AMOTL1: variants seen among roughly 807,000 people sequenced by gnomAD.
The protein encoded by AMOTL1 is angiomotin like 1.
In AMOTL1, 45 loss-of-function variants were observed where a neutral mutation model predicts 102.9. The observed-to-expected ratio is 0.44, with a 90% CI of 0.34 to 0.56. The LOEUF (loss-of-function observed/expected upper bound fraction) is 0.56. AMOTL1 is among the 20% of genes least tolerant of loss of function. AMOTL1 has a pLI of 0.01. For missense variants in AMOTL1, 1,114 were observed against 1,225.6 expected (o/e 0.91, Z 1.36); for synonymous variants, 481 against 484.7 (o/e 0.99, Z 0.10).
intron 4 of AMOTL1, among the ~76,000 whole-genome samples, chr11:94,827,209 G>T (rs892041576): frequency 6.6e-6 from 1 of 152,206 alleles, no homozygotes. Context: ...GAATTCCAAT[G>T]AGGGAAATAC....
upstream of AMOTL1, chr11:94,768,235 C>G (rs1950880869): frequency 3.4e-6 from 4 of 1,160,800 alleles, no homozygotes; most frequent in Non-Finnish European, 4.2e-6. Flanking sequence ...TGTCTGCAGA[C>G]GGGCTCTAGG....
intron 2 of AMOTL1, chr11:94,729,130 C>A: frequency 9.3e-7 from 1 of 1,078,218 alleles, no homozygotes. Context: ...ATCCACTGTA[C>A]TCAGTACGTG....
intron 1 of AMOTL1, among the ~76,000 whole-genome samples, chr11:94,770,123 G>T (rs529925021): frequency 2.0e-5 from 3 of 152,222 alleles, no homozygotes; most frequent in East Asian, 1.9e-4. Flanking sequence ...TCCCCTGGCT[G>T]CATACCACTC....
chr11:94,843,576 A>G (rs966507694), intron 6 of AMOTL1, among the ~76,000 whole-genome samples: 1 of 152,196 alleles, frequency 6.6e-6, no homozygotes, highest in Non-Finnish European at 1.5e-5. Flanking sequence ...TACCCTATAA[A>G]TTGTAGCTGT....
rs1251563201 is a variant in AMOTL1 at position 94,873,809 on chromosome 11, A to T, written c.*3014A>T. ...CACACACACACACACACACACACAC[A>T]CACAGCTATCACACATCTCAGAGCC... On this transcript the variant is annotated 3_prime_UTR_variant, in exon 13 of 13. Transcript: ENST00000433060. The T allele has an allele frequency of 6.6e-6, 1 of 152,318 alleles. No individual in the cohort carries two copies. Among genetic ancestry groups the T allele is most frequent in the Non-Finnish European group, 1.5e-5 (1 of 68,604 alleles). The allele number at this position is 152,318 out of a possible 1,614,324, so 9.4% of individuals were successfully genotyped here.
intron 4 of AMOTL1, among the ~76,000 whole-genome samples, chr11:94,828,403 C>T (rs1952008132): frequency 6.6e-6 from 1 of 152,152 alleles, no homozygotes; most frequent in African/African-American, 2.4e-5. Context: ...AACCCCCACC[C>T]TCCAACCCCA....
intron 8 of AMOTL1, among the ~76,000 whole-genome samples, chr11:94,857,651 C>G (rs1336281081): frequency 1.3e-5 from 2 of 152,206 alleles, no homozygotes; most frequent in Non-Finnish European, 2.9e-5. Flanking sequence ...ATTTTCGTGT[C>G]TTACTTCCAC....
intron 3 of AMOTL1, among the ~76,000 whole-genome samples, chr11:94,746,948 C>A (rs540179362): frequency 4.6e-5 from 7 of 151,978 alleles, no homozygotes; most frequent in Admixed American, 2.0e-4. Context: ...GGGTGTGACC[C>A]GTGAGACACT....
At position 94,850,305 on chromosome 11, in the gene AMOTL1, G is replaced by C. The variant is rs760519053; in HGVS notation, c.1794+46G>C. On this transcript the variant is annotated intron_variant, in intron 7 of 12. Coordinates refer to ENST00000433060, the MANE Select transcript of AMOTL1 (RefSeq NM_130847.3). ...TTTGGTGGGGAAGAGGGCAAGCAGA[G>C]CCCAGAGGGCTTCCACTTTCTTTTC... 1.1e-5 allele frequency: 17 copies of C among 1,529,616 alleles called. No homozygotes were observed. In the East Asian group the frequency reaches 4.0e-4, roughly 36 times the overall value. The allele number at this position is 1,529,616 out of a possible 1,614,324, so 94.8% of individuals were successfully genotyped here.
intron 8 of AMOTL1, among the ~76,000 whole-genome samples, chr11:94,854,809 G>A (rs565225809): frequency 2.6e-5 from 4 of 152,260 alleles, no homozygotes; most frequent in Admixed American, 2.6e-4. Flanking sequence ...AGCCCATGAT[G>A]ATCAGTGAGT....
chr11:94,741,488 A>C (rs558198404), intron 3 of AMOTL1, among the ~76,000 whole-genome samples: 1 of 152,114 alleles, frequency 6.6e-6, no homozygotes, highest in Non-Finnish European at 1.5e-5. Flanking sequence ...TGTAAGACCT[A>C]GGAGCTGCTT....
chr11:94,818,907 A>T (rs923214147), intron 3 of AMOTL1, among the ~76,000 whole-genome samples: 2 of 152,206 alleles, frequency 1.3e-5, no homozygotes, highest in African/African-American at 2.4e-5. Context: ...TTATTTACAT[A>T]TATAAACCAC....
intron 1 of AMOTL1, among the ~76,000 whole-genome samples, chr11:94,712,870 T>C (rs1288355138): frequency 6.6e-6 from 1 of 151,958 alleles, no homozygotes; most frequent in Non-Finnish European, 1.5e-5. Context: ...TTTCCTTTAA[T>C]GGATTGTGCT....
chr11:94,719,915 C>A (rs760369588), intron 1 of AMOTL1, among the ~76,000 whole-genome samples: 1 of 152,118 alleles, frequency 6.6e-6, no homozygotes, highest in Non-Finnish European at 1.5e-5. Context: ...ACCCAAGGAT[C>A]TGCCCCCAGA....
chr11:94,860,903 T>C (rs1000513070), intron 9 of AMOTL1, among the ~76,000 whole-genome samples: 1 of 152,206 alleles, frequency 6.6e-6, no homozygotes, highest in Non-Finnish European at 1.5e-5. Flanking sequence ...CTTGAAGTTA[T>C]TCACGGACTC....
intron 8 of AMOTL1, 23 bp from the exon 9 acceptor site, chr11:94,859,500 CAA>C (rs772532840): frequency 5.6e-6 from 9 of 1,594,572 alleles, no homozygotes; most frequent in Non-Finnish European, 5.1e-6. Context: ...TTTTGAGCAT[CAA>C]GATTTTTTTT....
In AMOTL1 at chr11:94,799,546, T is replaced by C; in HGVS notation, c.356T>C (p.Leu119Pro). Reference protein sequence around the residue: ...YGTPTENMNLLAIQHQATGSA... With the variant: ...YGTPTENMNLPAIQHQATGSA... ...ACCCCAACCGAGAACATGAACTTGC[T>C]GGCCATTCAGCACCAGGCCACAGGG... is the stretch of plus-strand genomic sequence containing the variant. Residue 119 changes from leucine to proline, a missense_variant, in exon 3 of 13, where the codon CTG becomes CCG. Physicochemically the swap from Leu to Pro is moderately conservative, Grantham distance 98. Coordinates refer to ENST00000433060, the MANE Select transcript of AMOTL1 (RefSeq NM_130847.3). The surrounding 1 kb of genome is among the most constrained non-coding windows in gnomAD (Gnocchi z 4.5). 1 of 1,613,298 alleles carries C rather than the reference T, an allele frequency of 6.2e-7. No homozygotes were observed. Among genetic ancestry groups the C allele is most frequent in the Non-Finnish European group, 8.5e-7 (1 of 1,179,694 alleles).
chr11:94,771,000 T>A (rs1443286265), intron 1 of AMOTL1, among the ~76,000 whole-genome samples: 1 of 152,252 alleles, frequency 6.6e-6, no homozygotes, highest in East Asian at 1.9e-4. Flanking sequence ...GAGAGTTCTG[T>A]TGAAAGGTAT....
upstream of AMOTL1, chr11:94,768,232 A>T (rs1950880824): frequency 3.5e-6 from 4 of 1,150,650 alleles, no homozygotes; most frequent in Non-Finnish European, 4.3e-6. Context: ...GGGTGTCTGC[A>T]GACGGGCTCT....
Sources: allele counts gnomAD v4.1 joint callset (sites outside exome capture counted in the v4.1 genomes callset), GRCh38; gene constraint gnomAD v4.1.1; non-coding constraint Gnocchi (gnomAD v3.1); transcripts MANE v1.5; gene names NCBI Gene and HGNC (gene_info 2026-07-23, HGNC 2026-07-21).